Variants in DOCK10 observed in about 807,000 individuals in gnomAD.
DOCK10 encodes dedicator of cytokinesis 10, also known as dedicator of cytokinesis protein 10.
A neutral mutation model predicts 280.1 loss-of-function variants in DOCK10; 145 were observed. That is an observed-to-expected ratio of 0.52 (90% CI 0.45 to 0.59). The LOEUF (loss-of-function observed/expected upper bound fraction) is 0.59. Among genes scored for constraint, DOCK10 ranks in the 20% least tolerant of loss-of-function variants. The pLI, the probability that DOCK10 is intolerant of heterozygous loss-of-function variation, is 0.00. For missense variants in DOCK10, 2,368 were observed against 2,651.7 expected, an observed-to-expected ratio of 0.89 and a Z score of 2.35; for synonymous variants, 915 against 942.2, an observed-to-expected ratio of 0.97 and a Z score of 0.53.
Position 224,886,150 on chromosome 2 carries a change from T to C in DOCK10, c.525A>G (p.Gly175=), listed in dbSNP as rs754168315. 6.2e-7 allele frequency: 1 copy of C among 1,613,800 alleles called. No individual in the cohort carries two copies. The highest frequency in any genetic ancestry group is 8.5e-7 in the Non-Finnish European group (1 of 1,179,850). The part of the protein sequence containing the change: ...TTSHSSSKGG[G]GAGGTGVFKS... ...TGAAAACACCAGTTCCTCCCGCTCC[T>C]CCACCCCCCTTGGAAGACGAGTGGG... Residue 175 remains glycine (G), a synonymous_variant, in exon 6 of 56, where the codon GGA becomes GGG. Transcript: ENST00000258390.
chr2:224,889,031 T>C (rs1009620680), intron 4 of DOCK10, among the ~76,000 whole-genome samples: 7 of 152,232 alleles, frequency 4.6e-5, no homozygotes, highest in African/African-American at 1.4e-4. Context: ...ATCTCATTTA[T>C]ATGTGGAATC....
intron 1 of DOCK10, among the ~76,000 whole-genome samples, chr2:224,947,637 C>T (rs1411334324): frequency 6.6e-6 from 1 of 152,152 alleles, no homozygotes; most frequent in Non-Finnish European, 1.5e-5. Context: ...AGTTAGTTCC[C>T]TCATCTTTAG....
chr2:224,862,759 T>A lies in DOCK10; in HGVS notation c.1603-13A>T. On this transcript the variant is annotated splice_polypyrimidine_tract_variant and intron_variant, in intron 13 of 55. Transcript: ENST00000258390. ...TCTTTTGTGCATACTAAAGAAAAAA[T>A]AAATACAAATATTGTTTAGAATAGC... The A allele has an allele frequency of 6.6e-7, 1 of 1,513,906 alleles. No individual in the cohort carries two copies. Among genetic ancestry groups the A allele is most frequent in the Non-Finnish European group, 9.1e-7 (1 of 1,100,764 alleles). 93.8% of individuals were successfully genotyped at this position (1,513,906 alleles called of 1,614,324 possible). A position where few individuals can be genotyped will look rare whatever the true frequency, so the allele number is the denominator to read the frequency against.
chr2:224,950,741 C>T (rs1261368508), intron 1 of DOCK10, among the ~76,000 whole-genome samples: 1 of 152,164 alleles, frequency 6.6e-6, no homozygotes, highest in Non-Finnish European at 1.5e-5. Flanking sequence ...AAAGTTAGGA[C>T]TGGAGACGTG....
intron 1 of DOCK10, among the ~76,000 whole-genome samples, chr2:225,012,222 TCTTTGCTCAGAGGTTTTAAC>T (rs1559957533): frequency 6.6e-6 from 1 of 152,154 alleles, no homozygotes; most frequent in Non-Finnish European, 1.5e-5. Context: ...GCTTAACGGC[TCTTTGCTCAGAGGTTTTAAC>T]CTCTGCTCTG....
intron 31 of DOCK10, among the ~76,000 whole-genome samples, chr2:224,813,912 A>C (rs1693953540): frequency 6.6e-6 from 1 of 152,252 alleles, no homozygotes; most frequent in South Asian, 2.1e-4. Context: ...AACCCATTTC[A>C]GATAAAAATA....
chr2:224,942,258 T>C (rs1469160772), intron 1 of DOCK10, among the ~76,000 whole-genome samples: 1 of 152,254 alleles, frequency 6.6e-6, no homozygotes, highest in African/African-American at 2.4e-5. Flanking sequence ...TGTTCAGTGT[T>C]GCAGCTCACA....
intron 2 of DOCK10, among the ~76,000 whole-genome samples, chr2:224,927,880 C>T (rs1702121865): frequency 6.6e-6 from 1 of 151,944 alleles, no homozygotes; most frequent in Admixed American, 6.6e-5. Flanking sequence ...ATTCTCCAAT[C>T]TGCAGGGCAG....
At chr2:224,888,953 G>T (rs1699497715) in intron 4 of DOCK10, among the ~76,000 whole-genome samples, 1 of 152,096 alleles carries the variant, frequency 6.6e-6, no homozygotes. Flanking sequence ...CATTTGCCAT[G>T]ATATGGATGG....
intron 5 of DOCK10, 126 bp downstream of exon 5, chr2:224,886,333 T>G (rs1574995996): frequency 1.4e-6 from 2 of 1,460,728 alleles, no homozygotes; most frequent in East Asian, 4.5e-5. Flanking sequence ...TCATTTTGAC[T>G]AAAAGCCCTA....
chr2:224,778,808 C>T (rs570758049), intron 50 of DOCK10, among the ~76,000 whole-genome samples: 1 of 152,108 alleles, frequency 6.6e-6, no homozygotes, highest in Non-Finnish European at 1.5e-5. Flanking sequence ...ATGTAGTTGT[C>T]GTAACAGAAA....
At chr2:224,860,402 A>G (rs1697422018) in intron 14 of DOCK10, among the ~76,000 whole-genome samples, 1 of 152,046 alleles carries the variant, frequency 6.6e-6, no homozygotes. Context: ...AATAATTTCT[A>G]AAAATAACAA....
At chr2:224,799,021 T>G (rs1042103490) in intron 41 of DOCK10, among the ~76,000 whole-genome samples, 1 of 152,218 alleles carries the variant, frequency 6.6e-6, no homozygotes, top group African/African-American at 2.4e-5. Flanking sequence ...GAAGTATAAT[T>G]GACATACAAT....
At chr2:224,881,245 C>T (rs758853049) in intron 7 of DOCK10, among the ~76,000 whole-genome samples, 1 of 151,948 alleles carries the variant, frequency 6.6e-6, no homozygotes, top group Non-Finnish European at 1.5e-5. Flanking sequence ...TTTGCATGTA[C>T]CATATTTGTT....
At chr2:225,017,414 GAGAC>G (rs1203265914) in intron 1 of DOCK10, among the ~76,000 whole-genome samples, 2 of 127,362 alleles carry the variant, frequency 1.6e-5, no homozygotes, top group African/African-American at 2.7e-5. Context: ...AAGAGAGAAA[GAGAC>G]AGACAGAGAT....
Position 224,896,479 on chromosome 2 carries a change from C to A in DOCK10, c.334-102G>T. On this transcript the variant is annotated intron_variant, in intron 3 of 55. Transcript: ENST00000258390. ...ATCCCAGCACTTTGAGAGTCTGAGGCGGGTAGATCACCTGAGATCAGGAGT... is the reference window on the plus strand; with the variant it reads ...ATCCCAGCACTTTGAGAGTCTGAGGAGGGTAGATCACCTGAGATCAGGAGT... The A allele has an allele frequency of 4.6e-6, 3 of 646,982 alleles. No individual in the cohort carries two copies. The South Asian group carries it at 7.0e-5, about 15-fold the overall frequency. 40.1% of individuals were successfully genotyped at this position (646,982 alleles called of 1,614,324 possible).
intron 50 of DOCK10, among the ~76,000 whole-genome samples, chr2:224,781,657 T>G (rs1691348955): frequency 6.6e-6 from 1 of 152,222 alleles, no homozygotes; most frequent in Admixed American, 6.5e-5. Context: ...ATGGGAAATG[T>G]GATCTCTGCA....
At chr2:224,960,727 A>ATTTT (rs1704314987) in intron 1 of DOCK10, among the ~76,000 whole-genome samples, 2 of 105,094 alleles carry the variant, frequency 1.9e-5, no homozygotes, top group African/African-American at 7.1e-5. Context: ...GCATCACCAA[A>ATTTT]TTCTTTTTTT....
chr2:224,921,928 C>T (rs966754611), intron 2 of DOCK10, among the ~76,000 whole-genome samples: 2 of 151,314 alleles, frequency 1.3e-5, no homozygotes, highest in Non-Finnish European at 2.9e-5. Flanking sequence ...GAAGAAACCC[C>T]GTCTCTACTA....
Sources: allele counts gnomAD v4.1 joint callset (sites outside exome capture counted in the v4.1 genomes callset), GRCh38; gene constraint gnomAD v4.1.1; transcripts MANE v1.5; gene names NCBI Gene and HGNC (gene_info 2026-07-23, HGNC 2026-07-21).